TNS3: variants seen among roughly 807,000 people sequenced by gnomAD.
TNS3 encodes tensin-3.
A neutral mutation model predicts 140.9 loss-of-function variants in TNS3; 45 were observed. The ratio of observed to expected loss-of-function variants is 0.32; its 90% confidence interval spans 0.25 to 0.41. The LOEUF (loss-of-function observed/expected upper bound fraction) is 0.41, where lower values mean the gene tolerates loss of function less well. Among genes scored for constraint, TNS3 ranks in the 10% least tolerant of loss-of-function variants. The pLI, the probability that TNS3 is intolerant of heterozygous loss-of-function variation, is 1.00. For missense variants in TNS3, 1,716 were observed against 1,906.7 expected (o/e 0.90, Z 1.86); for synonymous variants, 815 against 788.4 (o/e 1.03, Z -0.56).
Position 47,303,556 on chromosome 7 carries a change from C to T in TNS3, c.2851G>A (p.Glu951Lys). The change falls in exon 22 of 31, where the codon GAG becomes AAG. Residue 951 changes from glutamate to lysine, a missense_variant. Glu to Lys is a moderately conservative substitution (Grantham distance 56). Coordinates refer to ENST00000311160, the MANE Select transcript of TNS3 (RefSeq NM_022748.12). ...GAAACCATGGGCTTGGGGCTGCTCT[C>T]CACCCACTGGCGTTCTGCAGAAGAG... ...SSSSAERQWV[E>K]SSPKPMVSLL... is the part of the protein sequence containing the mutation. The T allele has an allele frequency of 6.2e-7, 1 of 1,600,390 alleles. No homozygotes were observed. Among genetic ancestry groups the T allele is most frequent in the Non-Finnish European group, 8.5e-7 (1 of 1,177,472 alleles).
At chr7:47,534,218 A>T (rs1179528174) in intron 1 of TNS3, among the ~76,000 whole-genome samples, 1 of 152,000 alleles carries the variant, frequency 6.6e-6, no homozygotes, top group African/African-American at 2.4e-5. Flanking sequence ...AGGCTGCAGT[A>T]GGCCGAGATC....
chr7:47,445,771 G>A (rs543555934), intron 4 of TNS3, among the ~76,000 whole-genome samples: 1 of 152,314 alleles, frequency 6.6e-6, no homozygotes, highest in East Asian at 1.9e-4. Flanking sequence ...GGACTAAAAT[G>A]AGAACCAGGC....
chr7:47,340,115 A>ATATATATATATATAT, intron 20 of TNS3, among the ~76,000 whole-genome samples: 1 of 28,578 alleles, frequency 3.5e-5, no homozygotes, highest in Non-Finnish European at 6.8e-5. Context: ...ATATATATAT[A>ATATATATATATATAT]TTTTTTTTTT....
chr7:47,457,875 A>G (rs918555209), intron 4 of TNS3, among the ~76,000 whole-genome samples: 2 of 152,142 alleles, frequency 1.3e-5, no homozygotes, highest in South Asian at 2.1e-4. Context: ...TCATCTGTAA[A>G]AACAGGGACA....
rs1789251701 is a variant in TNS3 at position 47,345,052 on chromosome 7, A to G, written c.2452-14T>C. The G allele has an allele frequency of 8.1e-6, 13 of 1,605,734 alleles. No individual in the cohort carries two copies. The highest frequency in any genetic ancestry group is 1.1e-5 in the Non-Finnish European group (13 of 1,173,786). On this transcript the variant is annotated splice_polypyrimidine_tract_variant and intron_variant, in intron 18 of 30. Coordinates refer to ENST00000311160, the MANE Select transcript of TNS3 (RefSeq NM_022748.12). ...AGGGGTCATCGTCTGAAATTGGCAC[A>G]GGGAGTAGAATGTGAGAACAGGGAG...
intron 18 of TNS3, among the ~76,000 whole-genome samples, chr7:47,345,347 A>G (rs1225377694): frequency 1.3e-5 from 2 of 152,256 alleles, no homozygotes; most frequent in East Asian, 3.8e-4. Flanking sequence ...GTAAATGAGT[A>G]TCTCAATATT....
chr7:47,366,817 G>A (rs896978481), intron 17 of TNS3, among the ~76,000 whole-genome samples: 1 of 152,188 alleles, frequency 6.6e-6, no homozygotes, highest in Non-Finnish European at 1.5e-5. Context: ...GGGTGCTTAG[G>A]ACGATGACAT....
intron 1 of TNS3, among the ~76,000 whole-genome samples, chr7:47,573,627 C>A (rs541512325): frequency 6.6e-6 from 1 of 152,220 alleles, no homozygotes; most frequent in South Asian, 2.1e-4. Context: ...TAGTCCCTCA[C>A]CTCCCCCAGC....
At chr7:47,468,591 A>G (rs1326187197) in intron 4 of TNS3, among the ~76,000 whole-genome samples, 1 of 152,240 alleles carries the variant, frequency 6.6e-6, no homozygotes, top group East Asian at 1.9e-4. Flanking sequence ...ATCAGAGAAA[A>G]CACAAGCAAA....
chr7:47,489,874 A>T (rs1186755739), intron 3 of TNS3, among the ~76,000 whole-genome samples: 3 of 152,200 alleles, frequency 2.0e-5, no homozygotes, highest in Non-Finnish European at 4.4e-5. Flanking sequence ...ACCAGGGCTG[A>T]GCAGGGAGGC....
At chr7:47,578,793 C>T (rs147218353) in intron 1 of TNS3, among the ~76,000 whole-genome samples, 1,662 of 152,262 alleles carry the variant, frequency 0.011, 11 homozygotes, top group Non-Finnish European at 0.016. Flanking sequence ...TTACGAGAAA[C>T]GGATAGACAT....
chr7:47,483,797 C>T (rs914237279), intron 3 of TNS3, among the ~76,000 whole-genome samples: 4 of 152,202 alleles, frequency 2.6e-5, no homozygotes, highest in African/African-American at 9.7e-5. Flanking sequence ...AGACCATCCA[C>T]GGCTTATATG....
At chr7:47,525,635 T>C (rs1799163916) in intron 2 of TNS3, among the ~76,000 whole-genome samples, 1 of 152,226 alleles carries the variant, frequency 6.6e-6, no homozygotes, top group South Asian at 2.1e-4. Context: ...CTCTCACATG[T>C]TCCCTCACAA....
At chr7:47,346,151 T>C in intron 18 of TNS3, 36 bp downstream of exon 18, 3 of 1,607,382 alleles carry the variant, frequency 1.9e-6, no homozygotes, top group South Asian at 2.2e-5. Flanking sequence ...GGGAGTGGAA[T>C]GGGCCCAGAA....
At chr7:47,321,925 T>G (rs1436234117) in intron 20 of TNS3, among the ~76,000 whole-genome samples, 1 of 152,140 alleles carries the variant, frequency 6.6e-6, no homozygotes, top group East Asian at 1.9e-4. Context: ...GACCCACTGC[T>G]GAAGCTTCCC....
At chr7:47,325,336 C>G (rs1020636183) in intron 20 of TNS3, among the ~76,000 whole-genome samples, 2 of 152,090 alleles carry the variant, frequency 1.3e-5, no homozygotes, top group Non-Finnish European at 2.9e-5. Context: ...TTTGTAAAAC[C>G]CTGTTTAACT....
chr7:47,299,078 T>C (rs1406400293), intron 23 of TNS3, among the ~76,000 whole-genome samples: 2 of 152,358 alleles, frequency 1.3e-5, no homozygotes, highest in Admixed American at 6.5e-5. Flanking sequence ...TGGTGCACGT[T>C]TTCTCACAGC....
At chr7:47,339,114 T>C (rs957840364) in intron 20 of TNS3, among the ~76,000 whole-genome samples, 26 of 152,336 alleles carry the variant, frequency 1.7e-4, no homozygotes, top group Non-Finnish European at 2.6e-4. Context: ...TTCCTTTTTT[T>C]GGACATGTGG....
At chr7:47,419,822 G>A (rs1162945633) in intron 10 of TNS3, among the ~76,000 whole-genome samples, 1 of 151,836 alleles carries the variant, frequency 6.6e-6, no homozygotes, top group Admixed American at 6.6e-5. Flanking sequence ...GAGGCAAAAG[G>A]GTCACTTTCC....
Sources: allele counts gnomAD v4.1 joint callset (sites outside exome capture counted in the v4.1 genomes callset), GRCh38; gene constraint gnomAD v4.1.1; transcripts MANE v1.5; gene names NCBI Gene and HGNC (gene_info 2026-07-23, HGNC 2026-07-21).